Variants in SDK2 observed in about 807,000 individuals in gnomAD.
The protein encoded by SDK2 is sidekick cell adhesion molecule 2, also known as protein sidekick-2.
SDK2 carries 105 observed loss-of-function variants against 253.9 expected under a neutral mutation model. The observed-to-expected ratio is 0.41, with a 90% confidence interval of 0.35 to 0.49. The LOEUF (loss-of-function observed/expected upper bound fraction) is 0.49. Ranked by LOEUF, SDK2 falls within the 20% of genes least tolerant of loss-of-function variation. SDK2 has a pLI of 0.06. For synonymous variants in SDK2, 1,249 were observed against 1,234.9 expected, an observed-to-expected ratio of 1.01 and a Z score of -0.24; for missense variants, 2,608 against 3,003.0, an observed-to-expected ratio of 0.87 and a Z score of 3.07.
intron 3 of SDK2, among the ~76,000 whole-genome samples, chr17:73,469,993 C>T (rs967744094): frequency 3.9e-4 from 12 of 31,038 alleles, no homozygotes; most frequent in Middle Eastern, 0.017. Context: ...CGCGCGCGCG[C>T]ACACACACAC....
chr17:73,342,282 G>A (rs547100477), intron 44 of SDK2, among the ~76,000 whole-genome samples: 118 of 152,252 alleles, frequency 7.8e-4, no homozygotes, highest in African/African-American at 2.7e-3. Context: ...CAAGACAATG[G>A]AAAGTCCCTG....
In SDK2 at chr17:73,345,377, G is replaced by C. The variant is rs114275090; in HGVS notation, c.6165+3222C>G. Among the ~76,000 whole-genome samples the C allele has an allele frequency of 3.3e-3, 504 of 152,180 alleles. 5 individuals carry two copies. Among genetic ancestry groups the C allele is most frequent in the African/African-American group, 0.012 (487 of 41,510 alleles). On this transcript the variant is annotated intron_variant, in intron 44 of 44. Coordinates refer to ENST00000392650, the MANE Select transcript of SDK2 (RefSeq NM_001144952.2). The stretch of plus-strand genomic sequence containing the variant: ...TGTTCACCACTTTCTTCCTCAGGTT[G>C]CTGTGGTTCCATAATATTTGAATGA...
chr17:73,521,717 C>G (rs921340675), intron 1 of SDK2, among the ~76,000 whole-genome samples: 1 of 152,048 alleles, frequency 6.6e-6, no homozygotes, highest in Non-Finnish European at 1.5e-5. Flanking sequence ...GAGTTGGGGG[C>G]GGGGGTGAGC....
chr17:73,444,909 G>A (rs2063442082), intron 5 of SDK2, among the ~76,000 whole-genome samples: 2 of 152,216 alleles, frequency 1.3e-5, no homozygotes. Flanking sequence ...GGGGCCATGA[G>A]CCACACGTGC....
intron 1 of SDK2, among the ~76,000 whole-genome samples, chr17:73,532,139 G>T (rs2064173974): frequency 6.6e-6 from 1 of 152,202 alleles, no homozygotes; most frequent in Non-Finnish European, 1.5e-5. Flanking sequence ...GAGGGAGGGG[G>T]ATGTTATTAG....
intron 1 of SDK2, among the ~76,000 whole-genome samples, chr17:73,540,368 G>A (rs1454021960): frequency 6.6e-6 from 1 of 152,092 alleles, no homozygotes; most frequent in African/African-American, 2.4e-5. Flanking sequence ...AATAACACTG[G>A]AACTTTACAC....
intron 3 of SDK2, among the ~76,000 whole-genome samples, chr17:73,457,300 T>G (rs1295608178): frequency 6.2e-5 from 1 of 16,064 alleles, no homozygotes; most frequent in Admixed American, 8.9e-4. Flanking sequence ...CCTCCCTCCC[T>G]CCCCCTCCCC....
intron 1 of SDK2, among the ~76,000 whole-genome samples, chr17:73,535,198 C>T (rs1055907399): frequency 3.9e-5 from 6 of 152,280 alleles, no homozygotes; most frequent in African/African-American, 4.8e-5. Flanking sequence ...GAATAGGCTG[C>T]GTACATTTCC....
chr17:73,466,721 C>CCCG (rs2063601225), intron 3 of SDK2, among the ~76,000 whole-genome samples: 1 of 146,126 alleles, frequency 6.8e-6, no homozygotes, highest in South Asian at 2.2e-4. Flanking sequence ...GAACGCCCCC[C>CCCG]CCCCCCGGCT....
chr17:73,484,460 G>A (rs555154210), intron 2 of SDK2, among the ~76,000 whole-genome samples: 1 of 152,230 alleles, frequency 6.6e-6, no homozygotes, highest in Non-Finnish European at 1.5e-5. Context: ...CAGTGGTGCT[G>A]GCTGAGAAGC....
rs974985522 is a variant in SDK2 at position 73,542,102 on chromosome 17, A to T, written c.65-34505T>A. On this transcript the variant is annotated intron_variant, in intron 1 of 44. Coordinates refer to ENST00000392650, the MANE Select transcript of SDK2 (RefSeq NM_001144952.2). ...ATTTTTGGATTGTCTGCTTCCAGGG[A>T]TGTCTAAAGTACCTGGGACTGGCCC... 5.3e-5 allele frequency among the ~76,000 whole-genome samples: 8 copies of T among 152,202 alleles called. No homozygotes were observed. The East Asian group carries it at 1.5e-3, about 29-fold the overall frequency.
intron 2 of SDK2, among the ~76,000 whole-genome samples, chr17:73,500,366 C>T (rs1482840309): frequency 6.9e-6 from 1 of 145,632 alleles, no homozygotes; most frequent in Non-Finnish European, 1.5e-5. Context: ...TCTCCTCCAT[C>T]CTTCTCCATC....
intron 2 of SDK2, among the ~76,000 whole-genome samples, chr17:73,490,309 G>T (rs2063796912): frequency 6.6e-6 from 1 of 152,130 alleles, no homozygotes; most frequent in African/African-American, 2.4e-5. Flanking sequence ...ATAAAGCACA[G>T]CACAAAGGCG....
chr17:73,635,329 C>T (rs2046317172), intron 1 of SDK2, among the ~76,000 whole-genome samples: 1 of 152,112 alleles, frequency 6.6e-6, no homozygotes, highest in South Asian at 2.1e-4. Context: ...CCGTCTGGGC[C>T]CCTGCTGCCA....
chr17:73,423,041 A>AATAAATAAATAAATAAATAAATAG (rs61207815), intron 14 of SDK2, among the ~76,000 whole-genome samples: 5 of 151,490 alleles, frequency 3.3e-5, no homozygotes, highest in African/African-American at 1.2e-4. Flanking sequence ...TAAATAAATA[A>AATAAATAAATAAATAAATAAATAG]ATAATAAATA....
At chr17:73,368,381 C>A (rs933365478) in intron 37 of SDK2, 26 bp downstream of exon 37, 4 of 1,463,158 alleles carry the variant, frequency 2.7e-6, no homozygotes, top group Non-Finnish European at 3.6e-6. Flanking sequence ...ACCTACCCCT[C>A]CCCTCCTCAG....
Position 73,467,678 on chromosome 17 carries a change from T to C in SDK2, c.331+4434A>G, listed in dbSNP as rs1417538441. ...TTCTCTCCTTCCCATCCTGGCTGGG[T>C]GAAACCTTCCTTAGCTTGTCAGGAA... On this transcript the variant is annotated intron_variant, in intron 3 of 44. Coordinates refer to ENST00000392650, the MANE Select transcript of SDK2 (RefSeq NM_001144952.2). The surrounding 1 kb of genome is among the most constrained non-coding windows in gnomAD (Gnocchi z 4.1). Among the ~76,000 whole-genome samples the C allele has an allele frequency of 2.0e-5, 3 of 152,272 alleles. No individual in the cohort carries two copies. The highest frequency in any genetic ancestry group is 2.9e-5 in the Non-Finnish European group (2 of 68,008).
chr17:73,446,075 GC>G (rs2063451281), intron 5 of SDK2, among the ~76,000 whole-genome samples: 1 of 152,134 alleles, frequency 6.6e-6, no homozygotes, highest in Non-Finnish European at 1.5e-5. Flanking sequence ...AGACAGGAAG[GC>G]CCCGACTCTG....
intron 40 of SDK2, among the ~76,000 whole-genome samples, chr17:73,354,784 C>T (rs1489916634): frequency 1.3e-5 from 2 of 152,058 alleles, no homozygotes; most frequent in Admixed American, 1.3e-4. Flanking sequence ...AGGGCCCGTT[C>T]TTCTCGCCGT....
Sources: allele counts gnomAD v4.1 joint callset (sites outside exome capture counted in the v4.1 genomes callset), GRCh38; gene constraint gnomAD v4.1.1; non-coding constraint Gnocchi (gnomAD v3.1); transcripts MANE v1.5; gene names NCBI Gene and HGNC (gene_info 2026-07-23, HGNC 2026-07-21).